Variants in SEMA3A observed in about 807,000 individuals in gnomAD.
SEMA3A encodes the protein semaphorin 3A, also known as semaphorin-3A.
A neutral mutation model predicts 97.9 loss-of-function variants in SEMA3A; 29 were observed. The observed-to-expected ratio is 0.30, with a 90% CI of 0.22 to 0.40. SEMA3A has a LOEUF of 0.40. Among genes scored for constraint, SEMA3A ranks in the 10% least tolerant of loss-of-function variants. SEMA3A has a pLI of 1.00. For synonymous variants in SEMA3A, 321 were observed against 323.7 expected, an observed-to-expected ratio of 0.99 and a Z score of 0.09; for missense variants, 763 against 951.3, an observed-to-expected ratio of 0.80 and a Z score of 2.60.
chr7:84,110,436 T>G (rs751364175), intron 4 of SEMA3A, 34 bp downstream of exon 4: 1 of 1,611,614 alleles, frequency 6.2e-7, no homozygotes, highest in Non-Finnish European at 8.5e-7. Context: ...AAAGGGGTCA[T>G]GGACAAATAT....
chr7:84,234,233 C>A (rs1264536444), intron 3 of SEMA3A, among the ~76,000 whole-genome samples: 1 of 151,370 alleles, frequency 6.6e-6, no homozygotes, highest in Non-Finnish European at 1.5e-5. Flanking sequence ...AATCCTACAA[C>A]CTAATCTTTT....
intron 1 of SEMA3A, among the ~76,000 whole-genome samples, chr7:84,404,362 C>T (rs974142926): frequency 1.6e-4 from 24 of 152,072 alleles, no homozygotes; most frequent in African/African-American, 2.2e-4. Context: ...TAAAAAGAAA[C>T]GAACAAAGCC....
At chr7:84,084,617 T>A (rs1318799490) in intron 4 of SEMA3A, among the ~76,000 whole-genome samples, 1 of 152,076 alleles carries the variant, frequency 6.6e-6, no homozygotes, top group African/African-American at 2.4e-5. Flanking sequence ...TAATTCCTAT[T>A]CTATTTTGTT....
intron 3 of SEMA3A, among the ~76,000 whole-genome samples, chr7:84,216,818 G>A (rs548729274): frequency 6.6e-6 from 1 of 151,942 alleles, no homozygotes; most frequent in African/African-American, 2.4e-5. Flanking sequence ...TAATAAAAAG[G>A]AATGTCCTCA....
intron 3 of SEMA3A, among the ~76,000 whole-genome samples, chr7:84,293,956 C>T (rs1800809799): frequency 6.6e-6 from 1 of 151,958 alleles, no homozygotes; most frequent in African/African-American, 2.4e-5. Context: ...AATAAAAACA[C>T]TGTTTAGCAA....
chr7:83,956,077 T>C lies in SEMA3A; in HGVS notation c.*5294A>G, dbSNP rs1788273435. 6.6e-6 allele frequency: 1 copy of C among 152,124 alleles called. No individual in the cohort carries two copies. The highest frequency in any genetic ancestry group is 2.4e-5 in the African/African-American group (1 of 41,440). 9.4% of individuals were successfully genotyped at this position (152,124 alleles called of 1,614,324 possible). On this transcript the variant is annotated 3_prime_UTR_variant, in exon 17 of 17. Transcript: ENST00000265362. ...CTCATTTTTTAAAAAACTTTTTTGG[T>C]TTGTTTGTTTAAAATAATAGGAGTC...
At chr7:84,311,727 A>C (rs1356757732) in intron 2 of SEMA3A, among the ~76,000 whole-genome samples, 1 of 151,948 alleles carries the variant, frequency 6.6e-6, no homozygotes, top group Non-Finnish European at 1.5e-5. Context: ...AAAACTAAGA[A>C]ATTTTAACTA....
chr7:83,985,412 A>T (rs1229832073), intron 13 of SEMA3A, 24 bp downstream of exon 13: 1 of 1,544,698 alleles, frequency 6.5e-7, no homozygotes, highest in South Asian at 1.2e-5. Flanking sequence ...TTGGATATTC[A>T]ATGGTAATAC....
At chr7:84,098,971 T>C (rs908569234) in intron 4 of SEMA3A, among the ~76,000 whole-genome samples, 3 of 151,760 alleles carry the variant, frequency 2.0e-5, no homozygotes, top group Non-Finnish European at 4.4e-5. Context: ...TAGCCTCTAA[T>C]AGTAATAAAA....
At chr7:84,260,385 C>G (rs556427713) in intron 3 of SEMA3A, among the ~76,000 whole-genome samples, 41 of 152,134 alleles carry the variant, frequency 2.7e-4, no homozygotes, top group Non-Finnish European at 5.6e-4. Context: ...GAGCCAGGAA[C>G]AGGCGAGAGC....
At chr7:84,204,758 T>C (rs1798446135) in intron 3 of SEMA3A, among the ~76,000 whole-genome samples, 1 of 152,212 alleles carries the variant, frequency 6.6e-6, no homozygotes, top group Admixed American at 6.5e-5. Context: ...TGTATTAAAA[T>C]GTGAAGATTG....
rs374416728 is a variant in SEMA3A at position 84,060,564 on chromosome 7, G to A, written c.454-6C>T. On this transcript the variant is annotated splice_region_variant and splice_polypyrimidine_tract_variant and intron_variant, in intron 4 of 16. Transcript: ENST00000265362. ...TCCAGCTTAAAAATATTGTCCTGTG[G>A]ATTTAAAAAAGAAAGAGAAAAGGGT... The A allele has an allele frequency of 6.5e-7, 1 of 1,542,656 alleles. No individual in the cohort carries two copies. Among genetic ancestry groups the A allele is most frequent in the Non-Finnish European group, 8.7e-7 (1 of 1,150,774 alleles).
Position 84,054,735 on chromosome 7 carries a change from C to T in SEMA3A, c.547+5730G>A, listed in dbSNP as rs372832046. The stretch of plus-strand genomic sequence containing the variant: ...AGTCATTCTCCATCCAGCTTTGTTC[C>T]GTTGCTGGTGAGGAACTGCGTTCCT... On this transcript the variant is annotated intron_variant, in intron 5 of 16. Transcript: ENST00000265362. Among the ~76,000 whole-genome samples, 124 of 145,914 alleles carry T rather than the reference C, an allele frequency of 8.5e-4. 1 individual carries two copies. Among genetic ancestry groups the T allele is most frequent in the African/African-American group, 3.0e-3 (119 of 39,702 alleles).
intron 6 of SEMA3A, among the ~76,000 whole-genome samples, chr7:84,037,984 T>C (rs1216048601): frequency 6.6e-6 from 1 of 152,100 alleles, no homozygotes; most frequent in East Asian, 1.9e-4. Flanking sequence ...ACCAGTATTA[T>C]TGGGGAAACA....
intron 1 of SEMA3A, among the ~76,000 whole-genome samples, chr7:84,484,053 G>GAA (rs879740885): frequency 3.4e-5 from 4 of 117,928 alleles, no homozygotes; most frequent in African/African-American, 1.2e-4. Flanking sequence ...TCAAAAAAAA[G>GAA]AAAAAAAAAA....
At position 84,363,247 on chromosome 7, in the gene SEMA3A, C is replaced by T. The variant is rs188130326; in HGVS notation, c.-169+8577G>A. ...AGCTATTCTGGACCTAATTCCAAAC[C>T]AACAAAGAACTGATTCATTAAGTGA... On this transcript the variant is annotated intron_variant, in intron 2 of 3. Coordinates refer to the SEMA3A transcript ENST00000424555. Among the ~76,000 whole-genome samples, 3 of 151,944 alleles carry T rather than the reference C, an allele frequency of 2.0e-5. No homozygotes were observed. The East Asian group carries it at 5.8e-4, about 29-fold the overall frequency.
upstream of SEMA3A, among the ~76,000 whole-genome samples, chr7:84,198,001 T>TA (rs1364874314): frequency 5.9e-5 from 9 of 152,024 alleles, no homozygotes; most frequent in East Asian, 1.8e-3. Flanking sequence ...CCGCCTCCCA[T>TA]AGTGGTAGGA....
At chr7:84,252,435 T>C (rs1347482785) in intron 3 of SEMA3A, among the ~76,000 whole-genome samples, 1 of 152,230 alleles carries the variant, frequency 6.6e-6, no homozygotes, top group East Asian at 1.9e-4. Flanking sequence ...AGATGTGGTA[T>C]TGAGTCTGCT....
intron 6 of SEMA3A, among the ~76,000 whole-genome samples, chr7:84,045,171 G>A (rs1316247452): frequency 1.3e-5 from 2 of 151,930 alleles, no homozygotes; most frequent in African/African-American, 2.4e-5. Context: ...CAGAAGGAAT[G>A]AACTAAATTT....
Sources: allele counts gnomAD v4.1 joint callset (sites outside exome capture counted in the v4.1 genomes callset), GRCh38; gene constraint gnomAD v4.1.1; transcripts MANE v1.5; gene names NCBI Gene and HGNC (gene_info 2026-07-23, HGNC 2026-07-21).